ABCA3: variants seen among roughly 807,000 people sequenced by gnomAD.
ABCA3 encodes phospholipid-transporting ATPase ABCA3.
In ABCA3, 88 loss-of-function variants were observed where a neutral mutation model predicts 172.8. The observed-to-expected ratio is 0.51, with a 90% CI of 0.43 to 0.61. The LOEUF (loss-of-function observed/expected upper bound fraction) is 0.61. Ranked by LOEUF, ABCA3 falls within the 20% of genes least tolerant of loss-of-function variation. ABCA3 has a pLI of 0.00. For missense variants in ABCA3, 2,164 were observed against 2,301.0 expected (o/e 0.94, Z 1.22); for synonymous variants, 1,066 against 983.8 (o/e 1.08, Z -1.56).
At chr16:2,325,302 C>A (rs1055371965) in intron 5 of ABCA3, among the ~76,000 whole-genome samples, 3 of 152,204 alleles carry the variant, frequency 2.0e-5, no homozygotes, top group Non-Finnish European at 4.4e-5. Context: ...AAGTCCTGTC[C>A]ACCCTACTGA....
Position 2,277,624 on chromosome 16 carries a change from C to G in ABCA3, c.4956G>C (p.Leu1652=). 6.2e-7 allele frequency: 1 copy of G among 1,613,136 alleles called. No individual in the cohort carries two copies. Among genetic ancestry groups the G allele is most frequent in the South Asian group, 1.1e-5 (1 of 91,084 alleles). ...DEHQGMVHYH[L]PGRDLSWAKV... Reference sequence around the variant, plus strand: ...TCGCCCAGCTGAGGTCACGGCCCGGCAGGTGGTAATGGACCATGCCTTGGT... The same window carrying G: ...TCGCCCAGCTGAGGTCACGGCCCGGGAGGTGGTAATGGACCATGCCTTGGT... Residue 1652 remains leucine (L), a synonymous_variant, in exon 32 of 33, where the codon CTG becomes CTC. Coordinates refer to ENST00000301732, the MANE Select transcript of ABCA3 (RefSeq NM_001089.3). This position sits in a 1 kb window ranked among gnomAD's most constrained non-coding sequence, Gnocchi z 5.3.
intron 7 of ABCA3, chr16:2,323,232 T>C (rs1019847387): frequency 2.4e-5 from 12 of 504,180 alleles, no homozygotes; most frequent in Non-Finnish European, 3.6e-5. Context: ...TCAACCATTG[T>C]GGAAGTCAGT....
At chr16:2,337,114 T>G (rs1282922550) in intron 1 of ABCA3, among the ~76,000 whole-genome samples, 1 of 150,938 alleles carries the variant, frequency 6.6e-6, no homozygotes, top group African/African-American at 2.4e-5. Context: ...AGGGTCTCAC[T>G]ATGTTGCCCA....
chr16:2,339,455 A>G (rs1312557063), intron 1 of ABCA3: 1 of 152,226 alleles, frequency 6.6e-6, no homozygotes, highest in East Asian at 1.9e-4. Flanking sequence ...TTCCCATGAC[A>G]TCCATTTTTA....
chr16:2,286,285 C>T lies in ABCA3; in HGVS notation c.3278+409G>A, dbSNP rs575008285. ...AATGGCATGGCAGGCTCCCGACGTG[C>T]GGCCATCTGAGGAACAGGGACGGCA... On this transcript the variant is annotated intron_variant, in intron 22 of 32. Coordinates refer to ENST00000301732, the MANE Select transcript of ABCA3 (RefSeq NM_001089.3). The surrounding 1 kb of genome is among the most constrained non-coding windows in gnomAD (Gnocchi z 5.2). Among the ~76,000 whole-genome samples, 5 of 152,306 alleles carry T rather than the reference C, an allele frequency of 3.3e-5. No homozygotes were observed. Among genetic ancestry groups the T allele is most frequent in the South Asian group, 4.1e-4 (2 of 4,824 alleles).
intron 1 of ABCA3, 56 bp downstream of exon 1, chr16:2,340,517 G>A (rs1238727182): frequency 6.7e-6 from 1 of 149,890 alleles, no homozygotes; most frequent in Non-Finnish European, 1.5e-5. Flanking sequence ...GGACCCGGGT[G>A]GGGACCGCAA....
chr16:2,321,348 G>C (rs1026324472), intron 7 of ABCA3, among the ~76,000 whole-genome samples: 1 of 152,196 alleles, frequency 6.6e-6, no homozygotes, highest in African/African-American at 2.4e-5. Flanking sequence ...TCTTGCCCTA[G>C]AGCATTAGCC....
chr16:2,297,872 A>G lies in ABCA3; in HGVS notation c.1946T>C (p.Leu649Pro), dbSNP rs764249622. The G allele has an allele frequency of 1.9e-6, 3 of 1,613,884 alleles. No individual in the cohort carries two copies. Among genetic ancestry groups the G allele is most frequent in the Admixed American group, 1.7e-5 (1 of 60,024 alleles). Residue 649 changes from leucine (L) to proline (P), a missense_variant, in exon 16 of 33, where the codon CTG becomes CCG. Physicochemically the swap from Leu to Pro is moderately conservative, Grantham distance 98. Transcript: ENST00000301732. This position sits in a 1 kb window ranked among gnomAD's most constrained non-coding sequence, Gnocchi z 5.6. Reference sequence around the variant, plus strand: ...CTTGTCCTCCAGGCCGATGATGTGCAGCATCTGCTTGACTTCTTCAGGGCA... The same window carrying G: ...CTTGTCCTCCAGGCCGATGATGTGCGGCATCTGCTTGACTTCTTCAGGGCA... ...QKCPEEVKQMLHIIGLEDKWN... is the reference protein window; with the variant it reads ...QKCPEEVKQMPHIIGLEDKWN...
chr16:2,289,088 T>C (rs546767864), intron 20 of ABCA3: 354 of 307,378 alleles, frequency 1.2e-3, no homozygotes, highest in African/African-American at 7.2e-3. Flanking sequence ...CACATCTGAC[T>C]TTGGCCCAGG....
intron 10 of ABCA3, among the ~76,000 whole-genome samples, chr16:2,313,846 T>C (rs1253934655): frequency 6.6e-6 from 1 of 151,536 alleles, no homozygotes; most frequent in African/African-American, 2.4e-5. Context: ...AGTGAGCCAA[T>C]TGTGCCACTA....
In ABCA3 at chr16:2,287,095, C is replaced by A. The variant is rs532494809; in HGVS notation, c.3005-128G>T. ...GCATCCTCTGAGCTGCCCGCCCCATCACCCTTCTCCTAAGGAGAGTATAAT... is the reference window on the plus strand; with the variant it reads ...GCATCCTCTGAGCTGCCCGCCCCATAACCCTTCTCCTAAGGAGAGTATAAT... On this transcript the variant is annotated intron_variant, in intron 21 of 32. Coordinates refer to ENST00000301732, the MANE Select transcript of ABCA3 (RefSeq NM_001089.3). The surrounding 1 kb of genome is among the most constrained non-coding windows in gnomAD (Gnocchi z 4.1). The A allele has an allele frequency of 7.4e-5, 77 of 1,035,682 alleles. No individual in the cohort carries two copies. In the African/African-American group the frequency reaches 1.2e-3, roughly 16 times the overall value. The allele number at this position is 1,035,682 out of a possible 1,614,324, so 64.2% of individuals were successfully genotyped here. A position where few individuals can be genotyped will look rare whatever the true frequency, so the allele number is the denominator to read the frequency against.
At chr16:2,305,291 A>G (rs1422465303) in intron 11 of ABCA3, among the ~76,000 whole-genome samples, 1 of 150,844 alleles carries the variant, frequency 6.6e-6, no homozygotes, top group South Asian at 2.1e-4. Flanking sequence ...ACGTCACCAC[A>G]CCTGGCTAAT....
chr16:2,289,815 TA>T (rs2093669066), intron 19 of ABCA3, among the ~76,000 whole-genome samples, 195 bp from the exon 20 acceptor site: 1 of 152,152 alleles, frequency 6.6e-6, no homozygotes, highest in African/African-American at 2.4e-5. Flanking sequence ...TTAGTAGACA[TA>T]GGGTTTCACC....
At chr16:2,332,914 G>A (rs980049205) in intron 1 of ABCA3, among the ~76,000 whole-genome samples, 4 of 152,084 alleles carry the variant, frequency 2.6e-5, no homozygotes, top group East Asian at 1.9e-4. Context: ...TCAAGTGATC[G>A]TCTTGCCTCA....
At chr16:2,308,143 C>T (rs1169491052) in intron 11 of ABCA3, among the ~76,000 whole-genome samples, 1 of 152,248 alleles carries the variant, frequency 6.6e-6, no homozygotes, top group Non-Finnish European at 1.5e-5. Flanking sequence ...CAGTCAGATG[C>T]GTATGTGGTG....
At chr16:2,307,687 G>T (rs991369806) in intron 11 of ABCA3, among the ~76,000 whole-genome samples, 5 of 152,254 alleles carry the variant, frequency 3.3e-5, no homozygotes, top group Admixed American at 3.3e-4. Flanking sequence ...CTCACTGCAA[G>T]CTCCGCCTCC....
Position 2,281,204 on chromosome 16 carries a change from C to T in ABCA3, c.4182G>A (p.Val1394=). ...AGAGCCTGTCCACGGCCAGGAGGGG[C>T]ACCCGCTGCTCGTACACCTGCAGGC... ...KELSKVYEQR[V]PLLAVDRLSL... Residue 1394 remains valine, a synonymous_variant, in exon 28 of 33, where the codon GTG becomes GTA. Transcript: ENST00000301732. This position sits in a 1 kb window ranked among gnomAD's most constrained non-coding sequence, Gnocchi z 4.7. 1.2e-6 allele frequency: 2 copies of T among 1,613,562 alleles called. No homozygotes were observed. Among genetic ancestry groups the T allele is most frequent in the Non-Finnish European group, 1.7e-6 (2 of 1,179,988 alleles).
At chr16:2,333,160 G>A (rs1226016711) in intron 1 of ABCA3, among the ~76,000 whole-genome samples, 2 of 152,148 alleles carry the variant, frequency 1.3e-5, no homozygotes, top group Non-Finnish European at 2.9e-5. Flanking sequence ...ATGGAGCAGA[G>A]GTCCCTGGGG....
rs545985448 is a variant in ABCA3, at chr16:2,289,141, C to T, written c.2700+293G>A. 75 of 458,392 alleles carry T rather than the reference C, an allele frequency of 1.6e-4. No homozygotes were observed. In the Admixed American group the frequency reaches 2.3e-3, roughly 14 times the overall value. The allele number at this position is 458,392 out of a possible 1,614,324, so 28.4% of individuals were successfully genotyped here. A position where few individuals can be genotyped will look rare whatever the true frequency, so the allele number is the denominator to read the frequency against. On this transcript the variant is annotated intron_variant, in intron 20 of 32. Coordinates refer to ENST00000301732, the MANE Select transcript of ABCA3 (RefSeq NM_001089.3). ...TGAACCGAGTGCATCAACCAACCTCCGTGTCGTTGGCTGCTAGAGAGCCTC... is the reference window on the plus strand; with the variant it reads ...TGAACCGAGTGCATCAACCAACCTCTGTGTCGTTGGCTGCTAGAGAGCCTC...
Sources: gnomAD v4.1 joint callset for allele counts (sites outside exome capture counted in the v4.1 genomes callset) on GRCh38, gnomAD v4.1.1 for gene constraint, Gnocchi (gnomAD v3.1) non-coding constraint, MANE v1.5 for transcripts, NCBI Gene and HGNC (gene_info 2026-07-23, HGNC 2026-07-21) for gene names.